Variants in TAS2R1 observed in about 807,000 individuals in gnomAD.
The protein encoded by TAS2R1 is taste 2 receptor member 1, also known as taste receptor type 2 member 1.
For missense variants in TAS2R1, 370 were observed against 353.4 expected (o/e 1.05, Z -0.38); for synonymous variants, 141 against 134.2 (o/e 1.05, Z -0.35).
At chr5:9,879,031 G>A in the TAS2R1 span, among the ~76,000 whole-genome samples, 1 of 152,236 alleles carries the variant, frequency 6.6e-6, no homozygotes, top group Non-Finnish European at 1.5e-5. Context: ...AGGTGTAATG[G>A]AGTGCTCAAA....
At chr5:9,889,616 C>T in the TAS2R1 span, 1 of 152,324 alleles carries the variant, frequency 6.6e-6, no homozygotes, top group Non-Finnish European at 1.5e-5. Flanking sequence ...TCAGATAGTG[C>T]TTCTGACTTT....
At chr5:9,664,737 T>C (rs1740599030) in intron 1 of TAS2R1, among the ~76,000 whole-genome samples, 1 of 152,224 alleles carries the variant, frequency 6.6e-6, no homozygotes, top group Non-Finnish European at 1.5e-5. Flanking sequence ...GAAGTTCAGA[T>C]AAAGTGTCAC....
chr5:9,671,259 C>T (rs1272925323), intron 1 of TAS2R1, among the ~76,000 whole-genome samples: 1 of 152,090 alleles, frequency 6.6e-6, no homozygotes, highest in Non-Finnish European at 1.5e-5. Context: ...TCTCACCGCT[C>T]CTATTCAACA....
the TAS2R1 span, chr5:9,884,117 C>G: frequency 1.3e-5 from 2 of 152,154 alleles, no homozygotes; most frequent in African/African-American, 4.8e-5. Flanking sequence ...AACACACTCC[C>G]AGGATAACAT....
chr5:9,750,968 A>G, the TAS2R1 span, among the ~76,000 whole-genome samples: 1 of 151,834 alleles, frequency 6.6e-6, no homozygotes, highest in Non-Finnish European at 1.5e-5. Flanking sequence ...TACGTATATG[A>G]TGATTGATTA....
upstream of TAS2R1, among the ~76,000 whole-genome samples, chr5:9,716,162 C>G (rs1379666113): frequency 6.6e-6 from 1 of 152,146 alleles, no homozygotes; most frequent in Non-Finnish European, 1.5e-5. Context: ...GGAGAAACTT[C>G]AACCAGCCTG....
the TAS2R1 span, among the ~76,000 whole-genome samples, chr5:9,796,735 A>AAAG: frequency 6.8e-6 from 1 of 146,882 alleles, no homozygotes; most frequent in African/African-American, 2.6e-5. Context: ...AAAAAAAAAA[A>AAAG]AAAAGAAAAG....
At chr5:9,733,611 G>A in the TAS2R1 span, among the ~76,000 whole-genome samples, 1 of 152,166 alleles carries the variant, frequency 6.6e-6, no homozygotes, top group African/African-American at 2.4e-5. Flanking sequence ...TCACATTCTG[G>A]CCTTAGACAA....
At chr5:9,660,132 C>T (rs1037734972) in intron 1 of TAS2R1, among the ~76,000 whole-genome samples, 2 of 147,112 alleles carry the variant, frequency 1.4e-5, no homozygotes, top group African/African-American at 5.1e-5. Context: ...GATCTCGGCT[C>T]ACTGCAAGCT....
At chr5:9,768,648 G>A in the TAS2R1 span, among the ~76,000 whole-genome samples, 1 of 152,126 alleles carries the variant, frequency 6.6e-6, no homozygotes. Context: ...TCTTTGGCCA[G>A]TGCCCTCAAA....
upstream of TAS2R1, among the ~76,000 whole-genome samples, chr5:9,631,430 T>C (rs1739871535): frequency 6.6e-6 from 1 of 152,138 alleles, no homozygotes. Context: ...TTCATAGATA[T>C]GGAGTCTTGC....
intron 2 of TAS2R1, among the ~76,000 whole-genome samples, chr5:9,640,497 TAA>T (rs56140715): frequency 0.23 from 13,809 of 59,164 alleles, 879 homozygotes; most frequent in South Asian, 0.39. Flanking sequence ...TTCAATTCCT[TAA>T]AAAAAAAAAA....
chr5:9,667,866 A>G (rs1740668427), intron 1 of TAS2R1, among the ~76,000 whole-genome samples: 1 of 152,224 alleles, frequency 6.6e-6, no homozygotes, highest in Admixed American at 6.5e-5. Flanking sequence ...TCAAAAAGTC[A>G]GAGTGTTTTC....
At chr5:9,848,882 G>T in the TAS2R1 span, among the ~76,000 whole-genome samples, 8,822 of 152,206 alleles carry the variant, frequency 0.058, 602 homozygotes, top group East Asian at 0.23. Flanking sequence ...CTGCTTAACC[G>T]TTTTTTAAGT....
the TAS2R1 span, chr5:9,889,700 G>T: frequency 6.6e-6 from 1 of 152,248 alleles, no homozygotes; most frequent in Non-Finnish European, 1.5e-5. Flanking sequence ...GGCCCCTCAT[G>T]TGAGAGGTCA....
chr5:9,744,759 CTT>C, the TAS2R1 span, among the ~76,000 whole-genome samples: 27 of 152,214 alleles, frequency 1.8e-4, no homozygotes, highest in African/African-American at 4.8e-4. Flanking sequence ...ACAAAGTGTT[CTT>C]TTTTCTTTAT....
intron 1 of TAS2R1, among the ~76,000 whole-genome samples, chr5:9,686,079 G>T (rs1320766892): frequency 6.6e-6 from 1 of 152,112 alleles, no homozygotes; most frequent in Non-Finnish European, 1.5e-5. Context: ...TGACCAGGCT[G>T]ATCTCGAACT....
intron 2 of TAS2R1, among the ~76,000 whole-genome samples, chr5:9,646,386 T>C (rs541487931): frequency 4.1e-4 from 62 of 152,256 alleles, no homozygotes; most frequent in Non-Finnish European, 7.8e-4. Context: ...CTGGCTATAC[T>C]TTGTTCAAAA....
the TAS2R1 span, among the ~76,000 whole-genome samples, chr5:9,830,605 G>A: frequency 0.022 from 3,243 of 149,774 alleles, 44 homozygotes; most frequent in Middle Eastern, 0.041. Flanking sequence ...ACGTGCGCGC[G>A]CACACACACA....
Sources: gnomAD v4.1 joint callset for allele counts (sites outside exome capture counted in the v4.1 genomes callset) on GRCh38, gnomAD v4.1.1 for gene constraint, MANE v1.5 for transcripts, NCBI Gene and HGNC (gene_info 2026-07-23, HGNC 2026-07-21) for gene names.